SSUH2: variants seen among roughly 807,000 people sequenced by gnomAD.
The protein encoded by SSUH2 is ssu-2 homolog, also known as protein SSUH2 homolog.
Under a neutral mutation model 55.3 loss-of-function variants are expected in SSUH2, and 47 were observed. The ratio of observed to expected loss-of-function variants is 0.85; its 90% CI spans 0.67 to 1.08. The LOEUF is 1.08. SSUH2 is among the 50% of genes least tolerant of loss of function. SSUH2 has a pLI of 0.00. For synonymous variants in SSUH2, 212 were observed against 191.5 expected (o/e 1.11, Z -0.89); for missense variants, 535 against 490.7 (o/e 1.09, Z -0.85).
chr3:8,660,628 CA>C (rs1178393980), intron 6 of SSUH2, among the ~76,000 whole-genome samples: 1 of 151,768 alleles, frequency 6.6e-6, no homozygotes, highest in Non-Finnish European at 1.5e-5. Flanking sequence ...TTCTTAAGTA[CA>C]GCTGTGTTTT....
rs748297224 is a variant in SSUH2, at chr3:8,635,304, G to T, written c.205C>A (p.His69Asn). The T allele has an allele frequency of 6.5e-7, 1 of 1,535,178 alleles. No homozygotes were observed. The highest frequency in any genetic ancestry group is 8.7e-7 in the Non-Finnish European group (1 of 1,146,342). ...EQRSWPSFLE[H>N]RVPAMTEEVA... ...AGAGTACAACCTGAAACTCACCTGTGTTCCAGGAACGAGGGCCAGGACCTT... is the reference window on the plus strand; with the variant it reads ...AGAGTACAACCTGAAACTCACCTGTTTTCCAGGAACGAGGGCCAGGACCTT... The change falls in exon 3 of 12, where the codon CAC becomes AAC. Residue 69 changes from histidine to asparagine, a missense_variant. Physicochemically the swap from His to Asn is moderately conservative, Grantham distance 68 (BLOSUM62 1). Transcript: ENST00000544814.
At chr3:8,633,592 A>G in intron 4 of SSUH2, 74 bp downstream of exon 4, 1 of 1,255,568 alleles carries the variant, frequency 8.0e-7, no homozygotes, top group South Asian at 1.7e-5. Context: ...TCACACAAAC[A>G]GGCCTCCACT....
intron 5 of SSUH2, among the ~76,000 whole-genome samples, chr3:8,670,658 A>G (rs1218941058): frequency 6.6e-6 from 1 of 152,072 alleles, no homozygotes; most frequent in African/African-American, 2.4e-5. Flanking sequence ...GATATAATGA[A>G]TCATATCAGA....
chr3:8,652,793 C>A (rs1702555748), intron 7 of SSUH2, among the ~76,000 whole-genome samples: 1 of 152,180 alleles, frequency 6.6e-6, no homozygotes, highest in Non-Finnish European at 1.5e-5. Context: ...TCTCAGATGC[C>A]CCCTCCTCTA....
chr3:8,648,652 T>G (rs164962), upstream of SSUH2, among the ~76,000 whole-genome samples: 3 of 152,116 alleles, frequency 2.0e-5, no homozygotes, highest in Non-Finnish European at 4.4e-5. Context: ...GCTGCTGCCC[T>G]GGGCTTCCCT....
rs564445042 is a variant in SSUH2 at position 8,664,448 on chromosome 3, T to C, written c.-454-646A>G. On this transcript the variant is annotated intron_variant, in intron 5 of 18. Transcript: ENST00000317371. Reference sequence around the variant, plus strand: ...CCAATTTGGAGCATTCATTTATCCATCTGCTCTTTCAACAAAATTTCTGAG... The same window carrying C: ...CCAATTTGGAGCATTCATTTATCCACCTGCTCTTTCAACAAAATTTCTGAG... Among the ~76,000 whole-genome samples, 27 of 152,338 alleles carry C rather than the reference T, an allele frequency of 1.8e-4. 1 individual carries two copies. The East Asian group carries it at 4.4e-3, about 25-fold the overall frequency.
chr3:8,648,564 C>T (rs1172329996), upstream of SSUH2, among the ~76,000 whole-genome samples: 3 of 143,344 alleles, frequency 2.1e-5, no homozygotes, highest in African/African-American at 8.0e-5. Flanking sequence ...TTAGCTGGTG[C>T]CCCCCCATCC....
chr3:8,679,468 G>A (rs1404913370), intron 2 of SSUH2, among the ~76,000 whole-genome samples: 1 of 143,270 alleles, frequency 7.0e-6, no homozygotes, highest in Non-Finnish European at 1.6e-5. Context: ...CCCCCGGGAG[G>A]CGGGGACTGA....
intron 3 of SSUH2, among the ~76,000 whole-genome samples, chr3:8,676,330 T>C (rs1705261488): frequency 6.6e-6 from 1 of 152,026 alleles, no homozygotes; most frequent in South Asian, 2.1e-4. Flanking sequence ...TCGCGTGTCA[T>C]ATCCTCCTCT....
intron 1 of SSUH2, 62 bp from the exon 2 acceptor site, chr3:8,635,919 C>A (rs1467579149): frequency 7.1e-7 from 1 of 1,417,722 alleles, no homozygotes; most frequent in Non-Finnish European, 9.5e-7. Flanking sequence ...GAGGGCTTCA[C>A]AGGAAGTTGA....
At chr3:8,644,640 C>T in intron 1 of SSUH2, 91 bp downstream of exon 1, 1 of 1,162,290 alleles carries the variant, frequency 8.6e-7, no homozygotes, top group South Asian at 1.3e-5. Context: ...ACATAACTTC[C>T]AACATATTAG....
At chr3:8,650,777 C>G (rs932504132) in intron 7 of SSUH2, among the ~76,000 whole-genome samples, 1 of 152,206 alleles carries the variant, frequency 6.6e-6, no homozygotes, top group Non-Finnish European at 1.5e-5. Flanking sequence ...ACAGCTCCTG[C>G]TCCATCCGTG....
At chr3:8,673,062 A>G (rs988534332) in intron 3 of SSUH2, among the ~76,000 whole-genome samples, 3 of 146,874 alleles carry the variant, frequency 2.0e-5, no homozygotes, top group Non-Finnish European at 4.4e-5. Context: ...TACCAATATT[A>G]ATATTAATAT....
At position 8,626,183 on chromosome 3, in the gene SSUH2, C is replaced by T. The variant is rs1428216937; in HGVS notation, c.767+46G>A. 8 of 1,500,498 alleles carry T rather than the reference C, an allele frequency of 5.3e-6. No homozygotes were observed. The African/African-American group carries it at 1.1e-4, about 21-fold the overall frequency. 92.9% of individuals were successfully genotyped at this position (1,500,498 alleles called of 1,614,324 possible). On this transcript the variant is annotated intron_variant, in intron 9 of 11. Transcript: ENST00000544814. The stretch of plus-strand genomic sequence containing the variant: ...GCAGAAGCCAGTCCAGGGCTAAGTC[C>T]CTCAGCCACCCCCGCATGCCACAGC...
At chr3:8,626,700 G>A (rs1261759889) in intron 8 of SSUH2, among the ~76,000 whole-genome samples, 1 of 152,116 alleles carries the variant, frequency 6.6e-6, no homozygotes, top group Non-Finnish European at 1.5e-5. Context: ...CGGGACTATC[G>A]GGAAAGGGAC....
At chr3:8,632,145 C>T in intron 4 of SSUH2, 36 bp from the exon 5 acceptor site, 4 of 1,574,456 alleles carry the variant, frequency 2.5e-6, no homozygotes, top group Non-Finnish European at 1.7e-6. Flanking sequence ...ACACTCGTGC[C>T]CCTTATGAAG....
At chr3:8,625,287 AAGAG>A (rs1697289304) in intron 10 of SSUH2, among the ~76,000 whole-genome samples, 1 of 151,918 alleles carries the variant, frequency 6.6e-6, no homozygotes, top group South Asian at 2.1e-4. Context: ...GAGGGAGGGA[AAGAG>A]AGAAAGAGAG....
At chr3:8,658,479 G>A (rs774556792) in intron 7 of SSUH2, among the ~76,000 whole-genome samples, 1 of 152,220 alleles carries the variant, frequency 6.6e-6, no homozygotes, top group African/African-American at 2.4e-5. Flanking sequence ...CTCCATTGGC[G>A]ACTGGCTTGG....
intron 6 of SSUH2, chr3:8,659,140 C>T (rs1703224610): frequency 6.6e-6 from 1 of 152,164 alleles, no homozygotes; most frequent in South Asian, 2.1e-4. Context: ...TTTCTTGGCG[C>T]CACTTCTCCT....
Sources: gnomAD v4.1 joint callset for allele counts (sites outside exome capture counted in the v4.1 genomes callset) on GRCh38, gnomAD v4.1.1 for gene constraint, MANE v1.5 for transcripts, NCBI Gene and HGNC (gene_info 2026-07-23, HGNC 2026-07-21) for gene names.